KCND2: variants seen among roughly 807,000 people sequenced by gnomAD.
The protein encoded by KCND2 is A-type voltage-gated potassium channel KCND2.
KCND2 carries 16 observed loss-of-function variants against 54.4 expected under a neutral mutation model. The observed-to-expected ratio is 0.29, with a 90% CI of 0.20 to 0.45. KCND2 has a LOEUF of 0.45. KCND2 is among the 20% of genes least tolerant of loss of function. KCND2 has a pLI of 1.00. For synonymous variants in KCND2, 317 were observed against 310.7 expected (o/e 1.02, Z -0.21); for missense variants, 486 against 824.2 (o/e 0.59, Z 5.02).
intron 1 of KCND2, among the ~76,000 whole-genome samples, chr7:120,450,184 G>A (rs538660117): frequency 7.9e-5 from 12 of 152,224 alleles, no homozygotes; most frequent in African/African-American, 2.4e-4. Context: ...AGGCCGAGGC[G>A]GGTGGATCAT....
intron 1 of KCND2, among the ~76,000 whole-genome samples, chr7:120,701,338 A>G (rs549217213): frequency 3.3e-5 from 5 of 151,746 alleles, no homozygotes; most frequent in Admixed American, 6.6e-5. Context: ...GGTAAATAGC[A>G]ATTTCCACCA....
chr7:120,439,069 G>A (rs1801912284), intron 1 of KCND2, among the ~76,000 whole-genome samples: 1 of 151,998 alleles, frequency 6.6e-6, no homozygotes, highest in Non-Finnish European at 1.5e-5. Flanking sequence ...TGAAATATTT[G>A]GACGAGAAGA....
intron 1 of KCND2, among the ~76,000 whole-genome samples, chr7:120,648,873 A>T (rs1006912964): frequency 5.3e-5 from 8 of 152,240 alleles, no homozygotes; most frequent in African/African-American, 9.6e-5. Flanking sequence ...GCAATACTAC[A>T]AAGTCATTAT....
chr7:120,634,754 A>G (rs570521297), intron 1 of KCND2, among the ~76,000 whole-genome samples: 2 of 152,306 alleles, frequency 1.3e-5, no homozygotes, highest in South Asian at 4.1e-4. Flanking sequence ...AAAACCCTCT[A>G]GTAGTATTCC....
Position 120,458,319 on chromosome 7 carries a change from G to C in KCND2, c.1115+182572G>C, listed in dbSNP as rs569702278. 2.0e-5 allele frequency among the ~76,000 whole-genome samples: 3 copies of C among 152,294 alleles called. No homozygotes were observed. The East Asian group carries it at 5.8e-4, about 29-fold the overall frequency. On this transcript the variant is annotated intron_variant, in intron 1 of 5. Transcript: ENST00000331113. Reference sequence around the variant, plus strand: ...CAGGTTTGGGTCTAAGACACAGGAAGGCTGAAGAAGCAAGTATTTAACATT... The same window carrying C: ...CAGGTTTGGGTCTAAGACACAGGAACGCTGAAGAAGCAAGTATTTAACATT...
intron 1 of KCND2, among the ~76,000 whole-genome samples, chr7:120,328,474 A>G (rs1323691601): frequency 6.6e-6 from 1 of 152,142 alleles, no homozygotes; most frequent in African/African-American, 2.4e-5. Flanking sequence ...GTAAATATCA[A>G]AGTTGACAGT....
intron 1 of KCND2, among the ~76,000 whole-genome samples, chr7:120,590,535 A>G (rs1287337176): frequency 6.6e-6 from 1 of 152,142 alleles, no homozygotes; most frequent in Non-Finnish European, 1.5e-5. Flanking sequence ...AGGAGTGAAA[A>G]TGTCACTGGA....
chr7:120,571,675 A>C (rs1792367990), intron 1 of KCND2, among the ~76,000 whole-genome samples: 1 of 152,062 alleles, frequency 6.6e-6, no homozygotes, highest in African/African-American at 2.4e-5. Flanking sequence ...AAACCGCATA[A>C]CTCTTTCTTA....
chr7:120,596,938 A>G (rs865948351), intron 1 of KCND2, among the ~76,000 whole-genome samples: 4 of 152,240 alleles, frequency 2.6e-5, no homozygotes, highest in East Asian at 1.9e-4. Context: ...AAGAATATAT[A>G]TCGATTTCAC....
chr7:120,464,366 G>A (rs890825737), intron 1 of KCND2, among the ~76,000 whole-genome samples: 1 of 151,994 alleles, frequency 6.6e-6, no homozygotes, highest in Non-Finnish European at 1.5e-5. Context: ...GTCTTTGGGG[G>A]CTTAAAAGCT....
intron 1 of KCND2, among the ~76,000 whole-genome samples, chr7:120,405,101 A>C (rs1475946644): frequency 3.9e-5 from 6 of 152,092 alleles, no homozygotes; most frequent in Non-Finnish European, 7.4e-5. Context: ...TTTATATTTT[A>C]TGAATTATCT....
At chr7:120,653,629 G>A (rs1435097638) in intron 1 of KCND2, among the ~76,000 whole-genome samples, 4 of 152,088 alleles carry the variant, frequency 2.6e-5, no homozygotes, top group East Asian at 3.9e-4. Context: ...TTTAAAGGAG[G>A]AACAATAATA....
intron 1 of KCND2, among the ~76,000 whole-genome samples, chr7:120,354,791 G>A (rs73431954): frequency 0.013 from 2,051 of 151,978 alleles, 47 homozygotes; most frequent in African/African-American, 0.044. Context: ...GAAAAGAAAA[G>A]CAAAGAAAAG....
chr7:120,517,484 T>C (rs1803213567), intron 1 of KCND2, among the ~76,000 whole-genome samples: 1 of 152,094 alleles, frequency 6.6e-6, no homozygotes, highest in Non-Finnish European at 1.5e-5. Context: ...GAGTGCAACA[T>C]AATGGTGAAA....
intron 1 of KCND2, among the ~76,000 whole-genome samples, chr7:120,652,155 A>C (rs1415762895): frequency 6.6e-6 from 1 of 151,498 alleles, no homozygotes; most frequent in African/African-American, 2.4e-5. Context: ...GGCTTACTCC[A>C]AACTCCGCCT....
At chr7:120,329,844 A>C (rs1800036644) in intron 1 of KCND2, among the ~76,000 whole-genome samples, 1 of 152,198 alleles carries the variant, frequency 6.6e-6, no homozygotes, top group Admixed American at 6.5e-5. Context: ...GAATTTCTTA[A>C]TTTAGACAAA....
At chr7:120,342,290 G>A (rs1190106637) in intron 1 of KCND2, among the ~76,000 whole-genome samples, 1 of 152,166 alleles carries the variant, frequency 6.6e-6, no homozygotes, top group African/African-American at 2.4e-5. Flanking sequence ...AGTTGTGAGT[G>A]ATAAGTACAA....
intron 1 of KCND2, among the ~76,000 whole-genome samples, chr7:120,665,902 A>T (rs1164472747): frequency 6.6e-6 from 1 of 152,094 alleles, no homozygotes; most frequent in East Asian, 1.9e-4. Context: ...GTAATTAGAG[A>T]TAATATTTCA....
At chr7:120,395,662 G>A (rs1584760889) in intron 1 of KCND2, among the ~76,000 whole-genome samples, 2 of 152,154 alleles carry the variant, frequency 1.3e-5, no homozygotes, top group East Asian at 1.9e-4. Flanking sequence ...GTAAGAGGCA[G>A]ATTATTTTGA....
Sources: allele counts gnomAD v4.1 joint callset (sites outside exome capture counted in the v4.1 genomes callset), GRCh38; gene constraint gnomAD v4.1.1; transcripts MANE v1.5; gene names NCBI Gene and HGNC (gene_info 2026-07-23, HGNC 2026-07-21).